Variants in TRIM63 observed in about 807,000 individuals in gnomAD.
TRIM63 encodes the protein E3 ubiquitin-protein ligase TRIM63.
A neutral mutation model predicts 46.0 loss-of-function variants in TRIM63; 48 were observed. The ratio of observed to expected loss-of-function variants is 1.04; its 90% CI spans 0.83 to 1.33. The LOEUF (loss-of-function observed/expected upper bound fraction) is 1.33. Among genes scored for constraint, TRIM63 ranks in the 40% most tolerant of loss-of-function variants. The pLI is 0.00. For synonymous variants in TRIM63, 175 were observed against 162.8 expected (o/e 1.08, Z -0.57); for missense variants, 455 against 441.2 (o/e 1.03, Z -0.28).
In TRIM63 at chr1:26,066,307, A is replaced by AGGTT; in HGVS notation, c.292_293insAACC (p.Val98GlufsTer32). On this transcript the variant is annotated frameshift_variant, in exon 2 of 9. Transcript: ENST00000374272. LOFTEE classifies it high-confidence loss of function. ...TTTGTAGATGTCGATGATGTTCTCC[A>AGGTT]CCAGCAGGTTCCTCTGCAGGCCGTA... The AGGTT allele has an allele frequency of 8.1e-6, 13 of 1,614,098 alleles. No homozygotes were observed. The highest frequency in any genetic ancestry group is 3.4e-6 in the Non-Finnish European group (4 of 1,180,000).
rs1182948151 is a variant in TRIM63 at position 26,066,313 on chromosome 1, A to G, written c.287T>C (p.Leu96Pro). 1.9e-6 allele frequency: 3 copies of G among 1,614,032 alleles called. No individual in the cohort carries two copies. In the East Asian group the frequency reaches 6.7e-5, roughly 36 times the overall value. ...RHGVYGLQRN[L>P]LVENIIDIYK... ...GATGTCGATGATGTTCTCCACCAGC[A>G]GGTTCCTCTGCAGGCCGTACACTCC... Residue 96 changes from leucine (L) to proline (P), a missense_variant, in exon 2 of 9, where the codon CTG becomes CCG. Transcript: ENST00000374272.
At chr1:26,066,537 C>T in intron 1 of TRIM63, 97 bp from the exon 2 acceptor site, 1 of 1,202,874 alleles carries the variant, frequency 8.3e-7, no homozygotes, top group Admixed American at 3.0e-5. Flanking sequence ...ATCCGAACCA[C>T]CCCCGTCAAA....
intron 1 of TRIM63, among the ~76,000 whole-genome samples, chr1:26,066,975 C>A (rs963358714): frequency 6.6e-6 from 1 of 152,084 alleles, no homozygotes; most frequent in Admixed American, 6.5e-5. Context: ...AAGCTCTGGG[C>A]CTCTTGCCAC....
At chr1:26,057,861 C>T (rs1455488682) in intron 5 of TRIM63, among the ~76,000 whole-genome samples, 1 of 152,168 alleles carries the variant, frequency 6.6e-6, no homozygotes, top group Non-Finnish European at 1.5e-5. Context: ...CTAGGACCCA[C>T]TGTCTTGACA....
chr1:26,054,773 C>T (rs992478960), intron 7 of TRIM63, among the ~76,000 whole-genome samples: 1 of 151,910 alleles, frequency 6.6e-6, no homozygotes, highest in Non-Finnish European at 1.5e-5. Flanking sequence ...TCAAGACCTG[C>T]CTGGCCAACA....
At position 26,051,767 on chromosome 1, in the gene TRIM63, AG is replaced by A. The variant is rs2050524898; in HGVS notation, c.*105del. 1 of 807,214 alleles carries A rather than the reference AG, an allele frequency of 1.2e-6. No homozygotes were observed. Among genetic ancestry groups the A allele is most frequent in the Admixed American group, 3.9e-5 (1 of 25,608 alleles). The allele number at this position is 807,214 out of a possible 1,614,324, so 50.0% of individuals were successfully genotyped here. A position where few individuals can be genotyped will look rare whatever the true frequency, so the allele number is the denominator to read the frequency against. ...GACATCACCTCCCCATTGCCCCTCC[AG>A]GGGCCCCGACCCCTCCCACCCTGGG... On this transcript the variant is annotated 3_prime_UTR_variant, in exon 9 of 9. Transcript: ENST00000374272.
At chr1:26,056,473 T>G (rs2050571291) in intron 7 of TRIM63, among the ~76,000 whole-genome samples, 1 of 152,192 alleles carries the variant, frequency 6.6e-6, no homozygotes, top group South Asian at 2.1e-4. Context: ...TCTGATTTTT[T>G]GCAACAGCAC....
At chr1:26,065,293 G>C (rs2050665900) in intron 2 of TRIM63, among the ~76,000 whole-genome samples, 2 of 150,812 alleles carry the variant, frequency 1.3e-5, no homozygotes, top group African/African-American at 4.9e-5. Flanking sequence ...CAAAGTGCTG[G>C]GATTACAGGT....
In TRIM63 at chr1:26,057,331, C is replaced by A. The variant is rs747620397; in HGVS notation, c.855-4G>T. 6.2e-7 allele frequency: 1 copy of A among 1,613,848 alleles called. No individual in the cohort carries two copies. On this transcript the variant is annotated splice_region_variant and splice_polypyrimidine_tract_variant and intron_variant, in intron 6 of 8. Coordinates refer to ENST00000374272, the MANE Select transcript of TRIM63 (RefSeq NM_032588.4). ...GCCCTTGGAAGCTTCCACAATGCTG[C>A]AGGGGAGACAGAAAGAGAGGCAGGA...
In TRIM63 at chr1:26,058,408, C is replaced by T. The variant is rs769844478; in HGVS notation, c.813G>A (p.Gly271=). The T allele has an allele frequency of 6.8e-6, 11 of 1,613,972 alleles. No homozygotes were observed. The highest frequency in any genetic ancestry group is 9.3e-6 in the Non-Finnish European group (11 of 1,180,014). The change falls in exon 5 of 9, where the codon GGG becomes GGA. Residue 271 remains glycine (G), a synonymous_variant. Transcript: ENST00000374272. ...TGCTCACCAAGAGGAAGGTGGCTCC[C>T]CCAGGCTCGTCCAGGGACTGGATGG... The part of the protein sequence containing the change: ...ETAIQSLDEP[G]GATFLLTAKQ...
Position 26,051,519 on chromosome 1 carries a change from C to T in TRIM63, c.*354G>A, listed in dbSNP as rs41311278. On this transcript the variant is annotated 3_prime_UTR_variant, in exon 9 of 9. Coordinates refer to ENST00000374272, the MANE Select transcript of TRIM63 (RefSeq NM_032588.4). ...AATCGCAGGTCACCCAACGACCAGGCATTATTATACAAAAGTTCCTTTACA... is the reference window on the plus strand; with the variant it reads ...AATCGCAGGTCACCCAACGACCAGGTATTATTATACAAAAGTTCCTTTACA... 158 of 177,114 alleles carry T rather than the reference C, an allele frequency of 8.9e-4. No individual in the cohort carries two copies. Among genetic ancestry groups the T allele is most frequent in the Non-Finnish European group, 1.6e-3 (131 of 84,220 alleles). The allele number at this position is 177,114 out of a possible 1,614,324, so 11.0% of individuals were successfully genotyped here.
intron 3 of TRIM63, 43 bp from the exon 4 acceptor site, chr1:26,060,404 G>A: frequency 6.7e-7 from 1 of 1,495,168 alleles, no homozygotes; most frequent in Non-Finnish European, 9.3e-7. Context: ...GACACAAATA[G>A]CCTCAGGGCC....
At chr1:26,064,013 C>T (rs943793937) in intron 2 of TRIM63, among the ~76,000 whole-genome samples, 1 of 152,184 alleles carries the variant, frequency 6.6e-6, no homozygotes, top group Non-Finnish European at 1.5e-5. Flanking sequence ...ATTCACCGGC[C>T]GGCCAGGCGC....
intron 2 of TRIM63, 37 bp from the exon 3 acceptor site, chr1:26,061,371 G>C (rs1309710584): frequency 1.0e-5 from 16 of 1,603,002 alleles, no homozygotes; most frequent in African/African-American, 1.3e-5. Flanking sequence ...TGGGGGTCCT[G>C]TGTCCCTGCA....
In TRIM63 at chr1:26,051,982, T is replaced by A. The variant is rs1569723335; in HGVS notation, c.1052-99A>T. On this transcript the variant is annotated intron_variant, in intron 8 of 8. Coordinates refer to ENST00000374272, the MANE Select transcript of TRIM63 (RefSeq NM_032588.4). ...CTGTTTATTCAAACAGGAGTTTGAA[T>A]AAAACATCAAACTCCAATTCCTCCC... is the stretch of plus-strand genomic sequence containing the variant. 3.8e-6 allele frequency: 4 copies of A among 1,048,934 alleles called. No homozygotes were observed. The Admixed American group carries it at 1.4e-4, about 37-fold the overall frequency. The allele number at this position is 1,048,934 out of a possible 1,614,324, so 65.0% of individuals were successfully genotyped here.
intron 2 of TRIM63, among the ~76,000 whole-genome samples, chr1:26,064,444 A>T (rs370352256): frequency 2.6e-5 from 4 of 151,934 alleles, no homozygotes; most frequent in African/African-American, 4.8e-5. Flanking sequence ...AAAAAAAATT[A>T]AAAAAATAAA....
rs2050620862 is a variant in TRIM63 at position 26,061,027 on chromosome 1, G to C, written c.501+139C>G. 6.2e-6 allele frequency: 6 copies of C among 973,492 alleles called. No homozygotes were observed. In the East Asian group the frequency reaches 1.6e-4, roughly 26 times the overall value. The allele number at this position is 973,492 out of a possible 1,614,324, so 60.3% of individuals were successfully genotyped here. A position where few individuals can be genotyped will look rare whatever the true frequency, so the allele number is the denominator to read the frequency against. ...TAGGAAGGCCAGGGCTGCTGTCCCT[G>C]TGGCCTGGGAAGTCCCTCCAGAGAG... is the stretch of plus-strand genomic sequence containing the variant. On this transcript the variant is annotated intron_variant, in intron 3 of 8. Coordinates refer to ENST00000374272, the MANE Select transcript of TRIM63 (RefSeq NM_032588.4).
rs2050612535 is a variant in TRIM63, at chr1:26,060,346, A to G, written c.517T>C (p.Cys173Arg). 6.2e-7 allele frequency: 1 copy of G among 1,613,894 alleles called. No homozygotes were observed. The highest frequency in any genetic ancestry group is 1.1e-5 in the South Asian group (1 of 91,078). Residue 173 changes from cysteine (C) to arginine (R), a missense_variant, in exon 4 of 9, where the codon TGT becomes CGT. Transcript: ENST00000374272. ...TTCCCCGCCACCAGCATGGAGATAC[A>G]GTTATTCAGTTCAGTCTAGATGGGG... ...FQGQKTELNN[C>R]ISMLVAGNDR...
intron 1 of TRIM63, among the ~76,000 whole-genome samples, 179 bp downstream of exon 1, chr1:26,067,157 C>T (rs569819621): frequency 6.6e-6 from 1 of 152,012 alleles, no homozygotes; most frequent in Non-Finnish European, 1.5e-5. Flanking sequence ...TGGAGAAGAA[C>T]CGCAGCAGCC....
Sources: allele counts gnomAD v4.1 joint callset (sites outside exome capture counted in the v4.1 genomes callset), GRCh38; gene constraint gnomAD v4.1.1; transcripts MANE v1.5; gene names NCBI Gene and HGNC (gene_info 2026-07-23, HGNC 2026-07-21).